The following ARHGEF4 variants were observed in gnomAD, a reference collection of about 807,000 sequenced individuals.
The protein encoded by ARHGEF4 is Rho guanine nucleotide exchange factor 4.
A neutral mutation model predicts 162.0 loss-of-function variants in ARHGEF4; 119 were observed. That is an observed-to-expected ratio of 0.73 (90% CI 0.63 to 0.86). The LOEUF (loss-of-function observed/expected upper bound fraction) is 0.86. ARHGEF4 is among the 40% of genes least tolerant of loss of function. The pLI, the probability that ARHGEF4 is intolerant of heterozygous loss-of-function variation, is 0.00. For missense variants in ARHGEF4, 2,488 were observed against 2,456.0 expected (o/e 1.01, Z -0.28); for synonymous variants, 1,014 against 979.9 (o/e 1.03, Z -0.65).
At chr2:130,972,196 C>T (rs753680558) in intron 4 of ARHGEF4, among the ~76,000 whole-genome samples, 8 of 152,154 alleles carry the variant, frequency 5.3e-5, no homozygotes, top group East Asian at 1.9e-4. Flanking sequence ...TATATTGCCG[C>T]GAAAATAAGA....
chr2:130,933,498 T>C (rs1682762954), intron 3 of ARHGEF4, among the ~76,000 whole-genome samples: 1 of 152,206 alleles, frequency 6.6e-6, no homozygotes, highest in African/African-American at 2.4e-5. Context: ...GCATTCGATC[T>C]GTAGATCACT....
At chr2:130,986,992 A>C (rs1174809055) in intron 4 of ARHGEF4, among the ~76,000 whole-genome samples, 1 of 152,204 alleles carries the variant, frequency 6.6e-6, no homozygotes, top group African/African-American at 2.4e-5. Context: ...TTACACAGCA[A>C]GCCAACGCTG....
intron 5 of ARHGEF4, among the ~76,000 whole-genome samples, chr2:131,037,156 C>T (rs1297947565): frequency 1.3e-5 from 2 of 152,206 alleles, no homozygotes; most frequent in Non-Finnish European, 2.9e-5. Context: ...CGCGTGGCTG[C>T]CGCGCTGTGA....
At chr2:130,856,676 T>C (rs1559003960) in intron 1 of ARHGEF4, among the ~76,000 whole-genome samples, 2 of 152,218 alleles carry the variant, frequency 1.3e-5, no homozygotes, top group African/African-American at 4.8e-5. Context: ...GGTGGACCTA[T>C]AGCATATAGG....
At chr2:130,871,637 A>G (rs948072256) in intron 1 of ARHGEF4, among the ~76,000 whole-genome samples, 1 of 151,810 alleles carries the variant, frequency 6.6e-6, no homozygotes, top group African/African-American at 2.4e-5. Flanking sequence ...TTTTAGGAAA[A>G]AAAATCTAAC....
chr2:130,971,300 T>C (rs1685347024), intron 4 of ARHGEF4, among the ~76,000 whole-genome samples: 1 of 152,228 alleles, frequency 6.6e-6, no homozygotes, highest in African/African-American at 2.4e-5. Flanking sequence ...TCCAATTTTG[T>C]TCTTCTTTTT....
At chr2:131,000,412 TTTGTC>T (rs1160615927) in intron 4 of ARHGEF4, among the ~76,000 whole-genome samples, 71 of 152,358 alleles carry the variant, frequency 4.7e-4, no homozygotes, top group Non-Finnish European at 2.2e-4. Flanking sequence ...TTGTGTTTCT[TTTGTC>T]TTATTTTGGA....
intron 1 of ARHGEF4, among the ~76,000 whole-genome samples, chr2:130,880,868 G>A (rs17521866): frequency 0.12 from 17,736 of 151,468 alleles, 1,139 homozygotes; most frequent in South Asian, 0.18. Context: ...AGGCAACACA[G>A]CACAGGAGTC....
At chr2:130,845,657 G>A (rs115529278) in intron 1 of ARHGEF4, among the ~76,000 whole-genome samples, 9 of 152,276 alleles carry the variant, frequency 5.9e-5, no homozygotes, top group Non-Finnish European at 1.0e-4. Flanking sequence ...AGAGCATAGT[G>A]GGTGTGGCTG....
intron 1 of ARHGEF4, among the ~76,000 whole-genome samples, chr2:130,854,846 TTTTATTTATTTATTTATTTATTTA>T (rs58855269): frequency 7.1e-6 from 1 of 140,232 alleles, no homozygotes; most frequent in African/African-American, 2.6e-5. Flanking sequence ...GGAGTCTGAC[TTTTATTTATTTATTTATTTATTTA>T]TTTATTTATT....
chr2:130,992,347 C>T (rs967257572), intron 4 of ARHGEF4, among the ~76,000 whole-genome samples: 6 of 151,668 alleles, frequency 4.0e-5, no homozygotes, highest in African/African-American at 1.4e-4. Context: ...AATCTTGCTA[C>T]TGCTCACTCT....
Position 130,925,148 on chromosome 2 carries a change from T to C in ARHGEF4, c.3553-5804T>C, listed in dbSNP as rs145988706. Reference sequence around the variant, plus strand: ...TTTAAAATGTTTATAATCTAAAATTTGTATGGAGAGATACATACCCTAAAA... The same window carrying C: ...TTTAAAATGTTTATAATCTAAAATTCGTATGGAGAGATACATACCCTAAAA... On this transcript the variant is annotated intron_variant, in intron 2 of 13. Transcript: ENST00000409359. Among the ~76,000 whole-genome samples the C allele has an allele frequency of 8.7e-3, 1,331 of 152,132 alleles. 12 individuals are homozygous for C. The highest frequency in any genetic ancestry group is 0.017 in the South Asian group (84 of 4,826).
chr2:130,879,642 G>C (rs1447091671), intron 1 of ARHGEF4, among the ~76,000 whole-genome samples: 1 of 152,062 alleles, frequency 6.6e-6, no homozygotes, highest in African/African-American at 2.4e-5. Flanking sequence ...GTTTCTATGA[G>C]GTGAATTTTT....
chr2:131,025,722 G>C (rs190484262), intron 4 of ARHGEF4, among the ~76,000 whole-genome samples: 2 of 152,156 alleles, frequency 1.3e-5, no homozygotes, highest in African/African-American at 4.8e-5. Context: ...TATCTGGTTG[G>C]GGGGAGTCAG....
chr2:131,041,969 T>C (rs1448760635), intron 10 of ARHGEF4, 25 bp downstream of exon 10: 1 of 1,606,440 alleles, frequency 6.2e-7, no homozygotes, highest in Non-Finnish European at 8.5e-7. Flanking sequence ...GCACAGAAAA[T>C]TCCAGGAGGT....
chr2:130,899,068 A>C (rs1680335013), intron 1 of ARHGEF4, among the ~76,000 whole-genome samples: 1 of 152,166 alleles, frequency 6.6e-6, no homozygotes, highest in Non-Finnish European at 1.5e-5. Context: ...GACACCTGGG[A>C]ATCCCTGGCT....
intron 4 of ARHGEF4, among the ~76,000 whole-genome samples, chr2:130,993,315 A>T (rs181087802): frequency 1.3e-5 from 2 of 152,332 alleles, no homozygotes; most frequent in Non-Finnish European, 2.9e-5. Flanking sequence ...TCAACTTTTT[A>T]AAAAATTTCT....
At chr2:130,978,893 G>A (rs1393085774) in intron 4 of ARHGEF4, among the ~76,000 whole-genome samples, 1 of 152,150 alleles carries the variant, frequency 6.6e-6, no homozygotes, top group African/African-American at 2.4e-5. Context: ...GCTTCATATT[G>A]GGTTAGCAAT....
At chr2:131,043,686 T>C in intron 11 of ARHGEF4, 103 bp downstream of exon 11, 3 of 1,546,726 alleles carry the variant, frequency 1.9e-6, no homozygotes, top group Non-Finnish European at 2.6e-6. Flanking sequence ...AGCCAGACCA[T>C]ACCCGGGGAG....
Sources: gnomAD v4.1 joint callset for allele counts (sites outside exome capture counted in the v4.1 genomes callset) on GRCh38, gnomAD v4.1.1 for gene constraint, MANE v1.5 for transcripts, NCBI Gene and HGNC (gene_info 2026-07-23, HGNC 2026-07-21) for gene names.